Variants in RIN2 observed in about 807,000 individuals in gnomAD.
The protein encoded by RIN2 is Ras and Rab interactor 2, also known as RAB5 interacting protein 2.
In RIN2, 36 loss-of-function variants were observed where a neutral mutation model predicts 78.0. That is an observed-to-expected ratio of 0.46 (90% CI 0.35 to 0.61). The LOEUF is 0.61. Among genes scored for constraint, RIN2 ranks in the 20% least tolerant of loss-of-function variants. The pLI is 0.00. For missense variants in RIN2, 1,087 were observed against 1,159.7 expected, an observed-to-expected ratio of 0.94 and a Z score of 0.91; for synonymous variants, 466 against 466.8, an observed-to-expected ratio of 1.00 and a Z score of 0.02.
chr20:19,824,197 C>T (rs2036016317), intron 2 of RIN2, among the ~76,000 whole-genome samples: 1 of 152,208 alleles, frequency 6.6e-6, no homozygotes, highest in African/African-American at 2.4e-5. Flanking sequence ...TAAGAACAAG[C>T]CTACGGCAGA....
intron 1 of RIN2, among the ~76,000 whole-genome samples, chr20:19,788,432 CAA>C (rs1224663738): frequency 9.3e-5 from 5 of 53,724 alleles, no homozygotes; most frequent in Admixed American, 2.0e-4. Context: ...CTGTCTCTGC[CAA>C]AAAAAAAAAA....
rs1156406897 is a variant in RIN2 at position 19,938,972 on chromosome 20, T to C, written c.158+3773T>C. On this transcript the variant is annotated intron_variant, in intron 4 of 12. Coordinates refer to ENST00000255006, the MANE Select transcript of RIN2 (RefSeq NM_018993.4). Reference sequence around the variant, plus strand: ...CATGCCTCCAGCTTCTTGGGCCTTGTACTCATCAATGGTGCCTCTATTCCT... The same window carrying C: ...CATGCCTCCAGCTTCTTGGGCCTTGCACTCATCAATGGTGCCTCTATTCCT... Among the ~76,000 whole-genome samples the C allele has an allele frequency of 2.0e-5, 3 of 152,324 alleles. No individual in the cohort carries two copies. In the East Asian group the frequency reaches 5.8e-4, roughly 29 times the overall value.
chr20:19,977,682 G>A (rs932167689), intron 9 of RIN2, among the ~76,000 whole-genome samples: 64 of 152,142 alleles, frequency 4.2e-4, no homozygotes, highest in Non-Finnish European at 8.8e-4. Flanking sequence ...CACGTTTGCT[G>A]AGCTCACTGT....
intron 3 of RIN2, 70 bp downstream of exon 3, chr20:19,889,728 C>A: frequency 8.1e-7 from 1 of 1,233,440 alleles, no homozygotes; most frequent in Non-Finnish European, 1.1e-6. Context: ...TGCGGTGCTC[C>A]ATGGAGCTGC....
At chr20:19,980,844 G>A (rs199590) in intron 9 of RIN2, among the ~76,000 whole-genome samples, 51,505 of 152,020 alleles carry the variant, frequency 0.34, 9,817 homozygotes, top group Non-Finnish European at 0.44. Flanking sequence ...TCTCTCAACA[G>A]GGAACAAATG....
chr20:19,998,273 C>G (rs897079575), intron 12 of RIN2, among the ~76,000 whole-genome samples: 1 of 149,348 alleles, frequency 6.7e-6, no homozygotes, highest in African/African-American at 2.4e-5. Context: ...TGAGCCACTG[C>G]GCCTGGCCAT....
At chr20:19,914,445 CAGA>C (rs2039601366) in intron 3 of RIN2, among the ~76,000 whole-genome samples, 2 of 152,176 alleles carry the variant, frequency 1.3e-5, no homozygotes, top group Non-Finnish European at 2.9e-5. Flanking sequence ...TTCCCACCAT[CAGA>C]AGGACATTGC....
At chr20:19,758,508 G>A (rs1302173248) in intron 1 of RIN2, among the ~76,000 whole-genome samples, 181 bp downstream of exon 1, 1 of 152,198 alleles carries the variant, frequency 6.6e-6, no homozygotes, top group East Asian at 1.9e-4. Context: ...GGGATCGTGG[G>A]GAACGGAAGG....
intron 2 of RIN2, among the ~76,000 whole-genome samples, chr20:19,829,967 C>A (rs960551149): frequency 2.0e-5 from 3 of 152,208 alleles, no homozygotes; most frequent in Non-Finnish European, 4.4e-5. Context: ...CATATCCCAG[C>A]AGCAAGGAGG....
At chr20:19,830,201 A>C (rs2036210780) in intron 2 of RIN2, among the ~76,000 whole-genome samples, 1 of 152,188 alleles carries the variant, frequency 6.6e-6, no homozygotes, top group Admixed American at 6.5e-5. Context: ...TTTTTTAGCC[A>C]AGGCCAATCC....
chr20:19,852,830 C>T (rs2037025954), intron 2 of RIN2, among the ~76,000 whole-genome samples: 1 of 152,052 alleles, frequency 6.6e-6, no homozygotes, highest in Non-Finnish European at 1.5e-5. Context: ...GGATAAGGTG[C>T]TTTACATATT....
intron 9 of RIN2, among the ~76,000 whole-genome samples, chr20:19,978,210 T>C (rs538767398): frequency 1.3e-5 from 2 of 152,282 alleles, no homozygotes; most frequent in South Asian, 2.1e-4. Flanking sequence ...CTGAAGAAGA[T>C]AGCTCTGAAC....
intron 3 of RIN2, among the ~76,000 whole-genome samples, chr20:19,917,498 G>C (rs1052356099): frequency 6.6e-6 from 1 of 152,168 alleles, no homozygotes; most frequent in African/African-American, 2.4e-5. Context: ...AAGAAGAAAA[G>C]AGACCTAAAT....
At chr20:19,985,039 C>G (rs1357926043) in intron 9 of RIN2, among the ~76,000 whole-genome samples, 1 of 152,204 alleles carries the variant, frequency 6.6e-6, no homozygotes, top group African/African-American at 2.4e-5. Context: ...CTTGGCCTCC[C>G]CACGGCTCCC....
At chr20:19,795,662 G>A (rs1294691456) in intron 1 of RIN2, among the ~76,000 whole-genome samples, 4 of 152,114 alleles carry the variant, frequency 2.6e-5, no homozygotes, top group African/African-American at 7.2e-5. Flanking sequence ...TTCTCTATAA[G>A]ACCAAACAAA....
intron 11 of RIN2, among the ~76,000 whole-genome samples, chr20:19,992,704 A>T (rs1285109818): frequency 1.4e-5 from 2 of 144,464 alleles, no homozygotes; most frequent in Non-Finnish European, 3.0e-5. Flanking sequence ...TAATGGCAAT[A>T]AAAAAAATAC....
intron 2 of RIN2, among the ~76,000 whole-genome samples, chr20:19,842,762 T>G (rs1330863313): frequency 1.3e-5 from 2 of 152,090 alleles, no homozygotes; most frequent in African/African-American, 4.8e-5. Flanking sequence ...TAATTTCAAC[T>G]TTCAAGTCTT....
intron 11 of RIN2, among the ~76,000 whole-genome samples, chr20:19,992,929 T>A (rs890853836): frequency 3.3e-5 from 5 of 152,186 alleles, no homozygotes; most frequent in African/African-American, 4.8e-5. Context: ...TTTTTAAGTA[T>A]CTTTTCATTT....
chr20:19,994,650 G>A (rs1350529911), intron 11 of RIN2, among the ~76,000 whole-genome samples: 1 of 152,032 alleles, frequency 6.6e-6, no homozygotes, highest in African/African-American at 2.4e-5. Flanking sequence ...CACAAAGATT[G>A]TAACAGTTCT....
Sources: gnomAD v4.1 joint callset for allele counts (sites outside exome capture counted in the v4.1 genomes callset) on GRCh38, gnomAD v4.1.1 for gene constraint, MANE v1.5 for transcripts, NCBI Gene and HGNC (gene_info 2026-07-23, HGNC 2026-07-21) for gene names.